Variants in TAF1B observed in about 807,000 individuals in gnomAD.
TAF1B encodes TATA box-binding protein-associated factor RNA polymerase I subunit B.
Under a neutral mutation model 83.9 loss-of-function variants are expected in TAF1B, and 61 were observed. That is an observed-to-expected ratio of 0.73 (90% CI 0.59 to 0.90). The LOEUF is 0.90. Ranked by LOEUF, TAF1B falls within the 40% of genes least tolerant of loss-of-function variation. TAF1B has a pLI of 0.00. For synonymous variants in TAF1B, 221 were observed against 224.6 expected (o/e 0.98, Z 0.14); for missense variants, 625 against 677.0 (o/e 0.92, Z 0.85).
At chr2:9,876,776 T>C (rs1022070309) in intron 7 of TAF1B, among the ~76,000 whole-genome samples, 1 of 152,208 alleles carries the variant, frequency 6.6e-6, no homozygotes, top group Non-Finnish European at 1.5e-5. Context: ...TTGTCTCTGC[T>C]TTTGTTTCTT....
At chr2:9,849,299 C>A in intron 2 of TAF1B, 74 bp from the exon 3 acceptor site, 1 of 1,211,918 alleles carries the variant, frequency 8.3e-7, no homozygotes, top group Non-Finnish European at 1.1e-6. Context: ...TTATACTTTC[C>A]AGAAAATACC....
intron 7 of TAF1B, among the ~76,000 whole-genome samples, chr2:9,878,990 A>G (rs1235797607): frequency 1.3e-5 from 2 of 152,192 alleles, no homozygotes; most frequent in African/African-American, 4.8e-5. Context: ...GGTGGCATTT[A>G]CTCTGCACCT....
Position 9,870,928 on chromosome 2 carries a change from C to G in TAF1B, c.553+2499C>G, listed in dbSNP as rs540345243. On this transcript the variant is annotated intron_variant, in intron 6 of 14. Transcript: ENST00000263663. The stretch of plus-strand genomic sequence containing the variant: ...TCCATAATTTATTACTAATGTATCT[C>G]CACACTTCCAGTTCTTATAATCTCT... Among the ~76,000 whole-genome samples the G allele has an allele frequency of 4.7e-4, 72 of 152,236 alleles. 1 individual carries two copies. In the South Asian group the frequency reaches 0.015, roughly 32 times the overall value.
At chr2:9,850,584 G>A (rs1260832470) in intron 3 of TAF1B, among the ~76,000 whole-genome samples, 1 of 152,182 alleles carries the variant, frequency 6.6e-6, no homozygotes, top group Non-Finnish European at 1.5e-5. Flanking sequence ...TGACATTCAG[G>A]TAAGGGAGAA....
chr2:9,858,745 C>T (rs746442787), intron 5 of TAF1B, among the ~76,000 whole-genome samples: 3 of 152,224 alleles, frequency 2.0e-5, no homozygotes, highest in Non-Finnish European at 4.4e-5. Flanking sequence ...CCTCTGAAGC[C>T]ATGGCCTGAG....
chr2:9,887,615 C>G (rs2125158382), intron 8 of TAF1B, among the ~76,000 whole-genome samples: 1 of 151,870 alleles, frequency 6.6e-6, no homozygotes, highest in Non-Finnish European at 1.5e-5. Context: ...CTATCTGTGT[C>G]TTTATATTTA....
chr2:9,933,586 A>G (rs1414821870), intron 14 of TAF1B, among the ~76,000 whole-genome samples, 197 bp from the exon 15 acceptor site: 1 of 152,208 alleles, frequency 6.6e-6, no homozygotes, highest in Non-Finnish European at 1.5e-5. Flanking sequence ...TGTGGTGGCC[A>G]TGGACAGTGT....
At chr2:9,864,955 T>G (rs1663919472) in intron 5 of TAF1B, among the ~76,000 whole-genome samples, 2 of 152,202 alleles carry the variant, frequency 1.3e-5, no homozygotes, top group Admixed American at 1.3e-4. Context: ...TAATAAGAGC[T>G]ATCTATGACA....
At chr2:9,844,411 G>C (rs1333445034) in intron 1 of TAF1B, 3 of 152,178 alleles carry the variant, frequency 2.0e-5, no homozygotes, top group Non-Finnish European at 4.4e-5. Flanking sequence ...TCCTGCCTCA[G>C]CCTCGCAAAG....
intron 4 of TAF1B, among the ~76,000 whole-genome samples, chr2:9,853,441 G>A (rs1269837237): frequency 2.0e-5 from 3 of 151,912 alleles, no homozygotes; most frequent in East Asian, 1.9e-4. Flanking sequence ...AGTAGATGAC[G>A]AATAAATGGA....
rs926311334 is a variant in TAF1B, at chr2:9,875,930, G to A, written c.619G>A (p.Val207Met). ...CTCACAACGAAAGGAGAAGGGAATC[G>A]TGAAGATGACCATGCCACAGACACT... ...EYSQRKEKGI[V>M]KMTMPQTLAF... is the part of the protein sequence containing the mutation. Residue 207 changes from valine to methionine, a missense_variant, in exon 7 of 15, where the codon GTG becomes ATG. Physicochemically the swap from Val to Met is conservative, Grantham distance 21. Transcript: ENST00000263663. 2.4e-5 allele frequency: 38 copies of A among 1,613,536 alleles called. No individual in the cohort carries two copies. Among genetic ancestry groups the A allele is most frequent in the African/African-American group, 1.1e-4 (8 of 74,932 alleles).
intron 5 of TAF1B, among the ~76,000 whole-genome samples, chr2:9,864,713 C>G (rs1442235547): frequency 6.6e-6 from 1 of 152,064 alleles, no homozygotes; most frequent in Non-Finnish European, 1.5e-5. Context: ...AAACCGAATC[C>G]AGCAGCACAT....
chr2:9,903,057 G>A (rs746350427), intron 8 of TAF1B, among the ~76,000 whole-genome samples: 1 of 152,008 alleles, frequency 6.6e-6, no homozygotes, highest in Non-Finnish European at 1.5e-5. Flanking sequence ...ACAATTCCTT[G>A]CATAGAATAG....
At chr2:9,928,144 T>C (rs1344028324) in intron 14 of TAF1B, among the ~76,000 whole-genome samples, 2 of 152,234 alleles carry the variant, frequency 1.3e-5, no homozygotes, top group Admixed American at 6.5e-5. Flanking sequence ...TTCTTGTTTT[T>C]GTCAGGTTTG....
chr2:9,849,337 C>T (rs373336787), intron 2 of TAF1B, 36 bp from the exon 3 acceptor site: 9 of 1,502,948 alleles, frequency 6.0e-6, no homozygotes, highest in South Asian at 1.3e-5. Flanking sequence ...GGATGTAAAA[C>T]GATCTTTTTT....
chr2:9,877,991 AG>A (rs1226422264), intron 7 of TAF1B, among the ~76,000 whole-genome samples: 1 of 152,210 alleles, frequency 6.6e-6, no homozygotes, highest in Non-Finnish European at 1.5e-5. Flanking sequence ...TTGGGGCTAT[AG>A]GAGAAGAGAC....
chr2:9,875,432 T>C (rs1242775603), intron 6 of TAF1B, among the ~76,000 whole-genome samples: 1 of 152,220 alleles, frequency 6.6e-6, no homozygotes, highest in Admixed American at 6.5e-5. Context: ...TTCTTACTGC[T>C]ATGAAGAAAT....
intron 14 of TAF1B, among the ~76,000 whole-genome samples, chr2:9,926,906 G>A (rs1666059372): frequency 6.6e-6 from 1 of 151,738 alleles, no homozygotes; most frequent in South Asian, 2.1e-4. Context: ...TAAGTTCTAG[G>A]GTACATGTGC....
intron 8 of TAF1B, among the ~76,000 whole-genome samples, chr2:9,890,919 C>T (rs911168223): frequency 2.6e-5 from 4 of 152,064 alleles, no homozygotes; most frequent in Non-Finnish European, 5.9e-5. Flanking sequence ...TACAGGCATG[C>T]GCCACCAATC....
Sources: gnomAD v4.1 joint callset for allele counts (sites outside exome capture counted in the v4.1 genomes callset) on GRCh38, gnomAD v4.1.1 for gene constraint, MANE v1.5 for transcripts, NCBI Gene and HGNC (gene_info 2026-07-23, HGNC 2026-07-21) for gene names.